SHISA9: variants seen among roughly 807,000 people sequenced by gnomAD.
The protein encoded by SHISA9 is shisa family member 9.
A neutral mutation model predicts 38.0 loss-of-function variants in SHISA9; 13 were observed. The observed-to-expected ratio is 0.34, with a 90% CI of 0.22 to 0.54. The LOEUF (loss-of-function observed/expected upper bound fraction) is 0.54. SHISA9 is among the 20% of genes least tolerant of loss of function. The pLI, the probability that SHISA9 is intolerant of heterozygous loss-of-function variation, is 0.91. For synonymous variants in SHISA9, 275 were observed against 242.0 expected, an observed-to-expected ratio of 1.14 and a Z score of -1.27; for missense variants, 538 against 575.8, an observed-to-expected ratio of 0.93 and a Z score of 0.67.
At chr16:13,418,845 A>G in the SHISA9 span, among the ~76,000 whole-genome samples, 1 of 152,250 alleles carries the variant, frequency 6.6e-6, no homozygotes, top group African/African-American at 2.4e-5. Flanking sequence ...CAGCTCAGGC[A>G]GAATAAACAA....
At chr16:13,533,808 G>C in the SHISA9 span, among the ~76,000 whole-genome samples, 12 of 137,676 alleles carry the variant, frequency 8.7e-5, no homozygotes, top group Admixed American at 4.6e-4. Flanking sequence ...TTTTGAGACA[G>C]AGTCTCGCTG....
At chr16:13,477,926 T>C in the SHISA9 span, among the ~76,000 whole-genome samples, 48 of 152,250 alleles carry the variant, frequency 3.2e-4, no homozygotes, top group African/African-American at 1.1e-3. Flanking sequence ...GATCACACCA[T>C]TGCACTGCAG....
intron 2 of SHISA9, among the ~76,000 whole-genome samples, chr16:13,001,017 T>C (rs2072517630): frequency 6.6e-6 from 1 of 152,092 alleles, no homozygotes; most frequent in South Asian, 2.1e-4. Flanking sequence ...CAACTCCGCG[T>C]CCCAGGTTCA....
chr16:13,250,163 T>G, the SHISA9 span, among the ~76,000 whole-genome samples: 5 of 152,226 alleles, frequency 3.3e-5, no homozygotes, highest in Admixed American at 6.5e-5. Flanking sequence ...TTCCAAAGCT[T>G]CTTCTGCAAA....
chr16:13,419,198 G>A, the SHISA9 span, among the ~76,000 whole-genome samples: 10 of 152,128 alleles, frequency 6.6e-5, no homozygotes, highest in Admixed American at 1.3e-4. Flanking sequence ...AAATAATGGC[G>A]TAAGACAATG....
chr16:13,208,333 C>A (rs1232686921), intron 3 of SHISA9, among the ~76,000 whole-genome samples: 1 of 152,086 alleles, frequency 6.6e-6, no homozygotes, highest in Non-Finnish European at 1.5e-5. Context: ...CAAATTCTCC[C>A]CAAACCTGCC....
At chr16:13,019,945 TTCTTTC>T (rs2072826363) in intron 2 of SHISA9, among the ~76,000 whole-genome samples, 1 of 79,788 alleles carries the variant, frequency 1.3e-5, no homozygotes. Context: ...CTTTCTTTCT[TTCTTTC>T]TTTCTTTCCC....
At chr16:12,933,053 T>C (rs549491818) in intron 2 of SHISA9, among the ~76,000 whole-genome samples, 8 of 152,262 alleles carry the variant, frequency 5.3e-5, no homozygotes, top group Non-Finnish European at 8.8e-5. Context: ...AATTGATGGA[T>C]TGGGAAGGCC....
At chr16:13,328,698 C>G in the SHISA9 span, among the ~76,000 whole-genome samples, 46 of 151,914 alleles carry the variant, frequency 3.0e-4, no homozygotes, top group Admixed American at 6.6e-4. Context: ...GTCTTGTACC[C>G]CTGACCTCGG....
intron 2 of SHISA9, among the ~76,000 whole-genome samples, chr16:13,020,076 G>A (rs144076097): frequency 7.0e-6 from 1 of 143,326 alleles, no homozygotes; most frequent in African/African-American, 2.6e-5. Context: ...ACCCAGGCTG[G>A]AGTGCGGTGC....
chr16:13,141,121 A>T (rs2050398136), intron 2 of SHISA9, among the ~76,000 whole-genome samples: 1 of 152,058 alleles, frequency 6.6e-6, no homozygotes, highest in Non-Finnish European at 1.5e-5. Flanking sequence ...AAATTAAAGC[A>T]AGAAAAAAAA....
chr16:13,512,178 A>G, the SHISA9 span, among the ~76,000 whole-genome samples: 1 of 152,186 alleles, frequency 6.6e-6, no homozygotes, highest in Non-Finnish European at 1.5e-5. Context: ...TAGAAATACA[A>G]AATTATCCAA....
chr16:13,093,378 A>G (rs572681639), intron 2 of SHISA9, among the ~76,000 whole-genome samples: 13 of 152,292 alleles, frequency 8.5e-5, no homozygotes, highest in African/African-American at 2.9e-4. Flanking sequence ...TCATCTATAA[A>G]GTGGGATTGA....
At chr16:13,489,818 G>A in the SHISA9 span, among the ~76,000 whole-genome samples, 1 of 152,100 alleles carries the variant, frequency 6.6e-6, no homozygotes, top group Non-Finnish European at 1.5e-5. Context: ...TTACATAAAT[G>A]GGGAAACTGA....
At chr16:13,215,090 G>A (rs919497618) in intron 4 of SHISA9, among the ~76,000 whole-genome samples, 15 of 152,142 alleles carry the variant, frequency 9.9e-5, no homozygotes, top group African/African-American at 3.6e-4. Context: ...GGTAGAGGAT[G>A]GAGAGAAGAA....
At chr16:13,307,552 A>C in the SHISA9 span, among the ~76,000 whole-genome samples, 8 of 152,182 alleles carry the variant, frequency 5.3e-5, no homozygotes, top group Admixed American at 1.3e-4. Context: ...AGACATGACT[A>C]ATTGGTTGTC....
the SHISA9 span, among the ~76,000 whole-genome samples, chr16:13,540,803 T>A: frequency 6.6e-6 from 1 of 152,226 alleles, no homozygotes; most frequent in South Asian, 2.1e-4. Flanking sequence ...TTAATATTTA[T>A]TATTATTACT....
At chr16:13,357,931 A>T in the SHISA9 span, among the ~76,000 whole-genome samples, 1,434 of 152,206 alleles carry the variant, frequency 9.4e-3, 58 homozygotes, top group Admixed American at 0.071. Context: ...GTGGAATGTC[A>T]TCAGTTAAGG....
In SHISA9 at chr16:12,988,817, G is replaced by C. The variant is rs576986206; in HGVS notation, c.691+72002G>C. 7.9e-5 allele frequency among the ~76,000 whole-genome samples: 12 copies of C among 152,124 alleles called. No homozygotes were observed. The South Asian group carries it at 2.5e-3, about 32-fold the overall frequency. ...TGGGATTACAGGTGTGAGCCCCTGT[G>C]CCCAGCCTGTATCTGTTTTCTAAGA... On this transcript the variant is annotated intron_variant, in intron 2 of 4. Coordinates refer to ENST00000558583, the MANE Select transcript of SHISA9 (RefSeq NM_001145204.3).
Sources: allele counts gnomAD v4.1 joint callset (sites outside exome capture counted in the v4.1 genomes callset), GRCh38; gene constraint gnomAD v4.1.1; transcripts MANE v1.5; gene names NCBI Gene and HGNC (gene_info 2026-07-23, HGNC 2026-07-21).